GALNTL6: variants seen among roughly 807,000 people sequenced by gnomAD.
The protein encoded by GALNTL6 is polypeptide N-acetylgalactosaminyltransferase-like 6.
In GALNTL6, 46 loss-of-function variants were observed where a neutral mutation model predicts 73.7. The observed-to-expected ratio is 0.62, with a 90% CI of 0.49 to 0.80. GALNTL6 has a LOEUF of 0.80. Among genes scored for constraint, GALNTL6 ranks in the 30% least tolerant of loss-of-function variants. GALNTL6 has a pLI of 0.00. For synonymous variants in GALNTL6, 259 were observed against 263.7 expected, an observed-to-expected ratio of 0.98 and a Z score of 0.17; for missense variants, 604 against 755.0, an observed-to-expected ratio of 0.80 and a Z score of 2.34.
rs146736139 is a variant in GALNTL6 at position 173,007,575 on chromosome 4, G to A, written c.1372-1603G>A. On this transcript the variant is annotated intron_variant, in intron 10 of 12. Coordinates refer to ENST00000506823, the MANE Select transcript of GALNTL6 (RefSeq NM_001034845.3). ...TAATCCCAACACTTTGGGAGGCCGA[G>A]GCAGGTGGATCAAGTGAGGTCGGGA... Among the ~76,000 whole-genome samples the A allele has an allele frequency of 3.6e-3, 544 of 152,334 alleles. 3 individuals carry two copies. Among genetic ancestry groups the A allele is most frequent in the African/African-American group, 0.013 (521 of 41,582 alleles).
At position 172,243,463 on chromosome 4, in the gene GALNTL6, C is replaced by T. The variant is rs77626319; in HGVS notation, c.247+13699C>T. Reference sequence around the variant, plus strand: ...TGAAATATAACCAATTGTCCAAGGGCTCTAAGTCACAAGATGGTCTTGAAT... The same window carrying T: ...TGAAATATAACCAATTGTCCAAGGGTTCTAAGTCACAAGATGGTCTTGAAT... On this transcript the variant is annotated intron_variant, in intron 3 of 12. Coordinates refer to ENST00000506823, the MANE Select transcript of GALNTL6 (RefSeq NM_001034845.3). Among the ~76,000 whole-genome samples the T allele has an allele frequency of 4.0e-3, 615 of 152,236 alleles. 6 individuals are homozygous for T. Among genetic ancestry groups the T allele is most frequent in the African/African-American group, 0.014 (588 of 41,566 alleles).
intron 3 of GALNTL6, among the ~76,000 whole-genome samples, chr4:172,231,107 C>T (rs1737053090): frequency 6.6e-6 from 1 of 152,190 alleles, no homozygotes; most frequent in Non-Finnish European, 1.5e-5. Context: ...TCCACCTTGG[C>T]AGTGACCCCA....
intron 2 of GALNTL6, among the ~76,000 whole-genome samples, chr4:172,065,804 C>A (rs1282266391): frequency 1.3e-5 from 2 of 152,162 alleles, no homozygotes; most frequent in Non-Finnish European, 2.9e-5. Flanking sequence ...CAGAAGGCAC[C>A]TTTCACAGGG....
Position 172,564,896 on chromosome 4 carries a change from A to G in GALNTL6, c.553+216207A>G, listed in dbSNP as rs146874529. ...GGCAGAGGAAAGTAAATCAAAGGCA[A>G]TTGCATTAACTAATGTTAAATGGGT... On this transcript the variant is annotated intron_variant, in intron 5 of 12. Coordinates refer to ENST00000506823, the MANE Select transcript of GALNTL6 (RefSeq NM_001034845.3). 2.0e-5 allele frequency among the ~76,000 whole-genome samples: 3 copies of G among 152,358 alleles called. 1 individual carries two copies. The highest frequency in any genetic ancestry group is 4.4e-5 in the Non-Finnish European group (3 of 68,028).
intron 2 of GALNTL6, among the ~76,000 whole-genome samples, chr4:171,934,333 G>A (rs1738277040): frequency 6.6e-6 from 1 of 152,092 alleles, no homozygotes; most frequent in Admixed American, 6.6e-5. Flanking sequence ...TGACACTAAT[G>A]GTACATTCTC....
chr4:172,108,373 G>A (rs1320074526), intron 2 of GALNTL6, among the ~76,000 whole-genome samples: 1 of 152,174 alleles, frequency 6.6e-6, no homozygotes, highest in Non-Finnish European at 1.5e-5. Context: ...GATTATGGAG[G>A]CTGAGAACTA....
intron 5 of GALNTL6, among the ~76,000 whole-genome samples, chr4:172,378,052 A>C (rs1255506506): frequency 6.6e-6 from 1 of 152,138 alleles, no homozygotes; most frequent in Admixed American, 6.5e-5. Flanking sequence ...GCCGCTAAGC[A>C]GGCACCAAGA....
At chr4:171,997,008 A>G (rs1172366352) in intron 2 of GALNTL6, among the ~76,000 whole-genome samples, 5 of 152,154 alleles carry the variant, frequency 3.3e-5, no homozygotes, top group Non-Finnish European at 5.9e-5. Flanking sequence ...TACAGTTCTT[A>G]GTTATCCAAG....
chr4:171,814,626 A>G lies in GALNTL6; in HGVS notation c.46A>G (p.Thr16Ala). The G allele has an allele frequency of 6.2e-7, 1 of 1,614,156 alleles. No homozygotes were observed. Among genetic ancestry groups the G allele is most frequent in the Non-Finnish European group, 8.5e-7 (1 of 1,180,000 alleles). ...KRFLQMTLLF[T>A]VALIFLPNVG... ...ATTTCTGCAGATGACTTTGTTGTTC[A>G]CGGTGGCTTTAATTTTCCTGCCTAA... The change falls in exon 2 of 13, where the codon ACG (threonine) becomes GCG (alanine). Residue 16 changes from threonine (T) to alanine (A), a missense_variant. By Grantham distance (58) the Thr-to-Ala change is moderately conservative. Coordinates refer to ENST00000506823, the MANE Select transcript of GALNTL6 (RefSeq NM_001034845.3).
intron 5 of GALNTL6, among the ~76,000 whole-genome samples, chr4:172,557,233 C>T (rs1736180947): frequency 6.6e-6 from 1 of 152,100 alleles, no homozygotes; most frequent in Non-Finnish European, 1.5e-5. Context: ...CATCACGTAC[C>T]TCTGTTTCTT....
intron 2 of GALNTL6, among the ~76,000 whole-genome samples, chr4:171,992,984 T>G (rs1215655646): frequency 6.6e-6 from 1 of 152,054 alleles, no homozygotes; most frequent in Admixed American, 6.6e-5. Flanking sequence ...CAGAGTTGCT[T>G]CTTTGTTTTG....
rs538299080 is a variant in GALNTL6 at position 171,977,427 on chromosome 4, G to T, written c.138+162709G>T. Among the ~76,000 whole-genome samples the T allele has an allele frequency of 2.0e-5, 3 of 152,314 alleles. No individual in the cohort carries two copies. The South Asian group carries it at 6.2e-4, about 32-fold the overall frequency. On this transcript the variant is annotated intron_variant, in intron 2 of 12. Transcript: ENST00000506823. ...TCTTTCACAGTTCTGTAGGTTAGAA[G>T]TCCAAGATTAAGATGCCAGCAGGAT...
At chr4:172,228,355 A>T (rs1736938959) in intron 2 of GALNTL6, among the ~76,000 whole-genome samples, 1 of 152,132 alleles carries the variant, frequency 6.6e-6, no homozygotes, top group African/African-American at 2.4e-5. Flanking sequence ...TATTATGAGC[A>T]ACAAATTCTT....
intron 2 of GALNTL6, among the ~76,000 whole-genome samples, chr4:172,085,533 T>C (rs1407727972): frequency 6.6e-6 from 1 of 151,956 alleles, no homozygotes; most frequent in Non-Finnish European, 1.5e-5. Context: ...AAAATATGTA[T>C]ATATATTTCA....
At chr4:172,922,475 AT>A (rs1391610872) in intron 8 of GALNTL6, among the ~76,000 whole-genome samples, 2 of 152,184 alleles carry the variant, frequency 1.3e-5, no homozygotes, top group Admixed American at 1.3e-4. Flanking sequence ...CAGAATGTGA[AT>A]GCTTCTACTG....
intron 3 of GALNTL6, among the ~76,000 whole-genome samples, chr4:172,293,064 A>G (rs1739525946): frequency 6.6e-6 from 1 of 152,280 alleles, no homozygotes. Context: ...GGAAAATTAC[A>G]TATCACTTAT....
intron 2 of GALNTL6, among the ~76,000 whole-genome samples, chr4:172,209,825 TC>T (rs1736267589): frequency 6.6e-6 from 1 of 152,086 alleles, no homozygotes; most frequent in African/African-American, 2.4e-5. Context: ...GATTTCTATT[TC>T]CCAGCCAAGC....
chr4:172,770,133 G>T (rs547087557), intron 5 of GALNTL6, among the ~76,000 whole-genome samples: 1 of 151,956 alleles, frequency 6.6e-6, no homozygotes, highest in African/African-American at 2.4e-5. Context: ...GGGCGTTGTG[G>T]TGCACACCTG....
rs560579096 is a variant in GALNTL6, at chr4:172,008,276, A to G, written c.138+193558A>G. ...TTACATTTTCTGAACAAATTTTAAC[A>G]AGCATCTTGCTTTTAAAGTCTCTGT... On this transcript the variant is annotated intron_variant, in intron 2 of 12. Coordinates refer to ENST00000506823, the MANE Select transcript of GALNTL6 (RefSeq NM_001034845.3). Among the ~76,000 whole-genome samples, 3 of 152,298 alleles carry G rather than the reference A, an allele frequency of 2.0e-5. No homozygotes were observed. The South Asian group carries it at 6.2e-4, about 32-fold the overall frequency.
Sources: gnomAD v4.1 joint callset for allele counts (sites outside exome capture counted in the v4.1 genomes callset) on GRCh38, gnomAD v4.1.1 for gene constraint, MANE v1.5 for transcripts, NCBI Gene and HGNC (gene_info 2026-07-23, HGNC 2026-07-21) for gene names.